MRPS23: variants seen among roughly 807,000 people sequenced by gnomAD.
The protein encoded by MRPS23 is mitochondrial ribosomal protein S23.
Under a neutral mutation model 19.8 loss-of-function variants are expected in MRPS23, and 14 were observed. The ratio of observed to expected loss-of-function variants is 0.71; its 90% CI spans 0.47 to 1.11. MRPS23 has a LOEUF of 1.11. Ranked by LOEUF, MRPS23 falls within the 50% of genes least tolerant of loss-of-function variation. The pLI is 0.00. For synonymous variants in MRPS23, 113 were observed against 89.7 expected, an observed-to-expected ratio of 1.26 and a Z score of -1.47; for missense variants, 242 against 236.7, an observed-to-expected ratio of 1.02 and a Z score of -0.15.
intron 2 of MRPS23, among the ~76,000 whole-genome samples, chr17:57,845,871 A>G (rs1351763164): frequency 6.6e-6 from 1 of 152,226 alleles, no homozygotes; most frequent in Non-Finnish European, 1.5e-5. Context: ...ACAATGGGCT[A>G]GGCACTGAAG....
chr17:57,849,823 C>G (rs2073800310), intron 1 of MRPS23, 144 bp downstream of exon 1: 1 of 954,144 alleles, frequency 1.0e-6, no homozygotes, highest in African/African-American at 1.7e-5. Context: ...CAGGAGAAAA[C>G]ATGAGAGGGC....
At chr17:57,843,260 T>A (rs2073752080) in intron 2 of MRPS23, among the ~76,000 whole-genome samples, 1 of 78,604 alleles carries the variant, frequency 1.3e-5, no homozygotes, top group African/African-American at 5.0e-5. Context: ...CTGGGTTAGA[T>A]CCTGCCTCAA....
rs549156135 is a variant in MRPS23 at position 57,849,876 on chromosome 17, T to A, written c.44+91A>T. ...CCGCACCCTGCAATACGCCTCGCCC[T>A]GCTCAGGTCCGCTCCAAGGAAGAGC... On this transcript the variant is annotated intron_variant, in intron 1 of 4. Coordinates refer to ENST00000313608, the MANE Select transcript of MRPS23 (RefSeq NM_016070.4). The A allele has an allele frequency of 4.9e-4, 716 of 1,464,582 alleles. 6 individuals carry two copies. In the South Asian group the frequency reaches 8.5e-3, roughly 17 times the overall value. The allele number at this position is 1,464,582 out of a possible 1,614,324, so 90.7% of individuals were successfully genotyped here.
In MRPS23 at chr17:57,839,918, G is replaced by A. The variant is rs567278145; in HGVS notation, c.438C>T (p.His146=). ...TCAAGTGTTCGGATTTCCGGGAAAC[G>A]TGACTACCTCCGTGTTGCTTAAAAG... is the stretch of plus-strand genomic sequence containing the variant. The part of the protein sequence containing the change: ...GEARTQHGGS[H]VSRKSEHLSV... Residue 146 remains histidine, a synonymous_variant, in exon 5 of 5, where the codon CAC becomes CAT. Transcript: ENST00000313608. 60 of 1,614,194 alleles carry A rather than the reference G, an allele frequency of 3.7e-5. No individual in the cohort carries two copies. Among genetic ancestry groups the A allele is most frequent in the African/African-American group, 9.3e-5 (7 of 75,052 alleles).
At chr17:57,846,231 C>T (rs142126371) in intron 2 of MRPS23, among the ~76,000 whole-genome samples, 15,418 of 143,104 alleles carry the variant, frequency 0.11, 888 homozygotes, top group South Asian at 0.23. Context: ...CCTGGCCAGC[C>T]GCCCCGTCCG....
In MRPS23 at chr17:57,841,206, T is replaced by C. The variant is rs78203942; in HGVS notation, c.270A>G (p.Pro90=). The change falls in exon 3 of 5, where the codon CCA becomes CCG. Residue 90 remains proline (P), a synonymous_variant. Transcript: ENST00000313608. ...ACCGTTGACAGGTAGACTTGAAGTTTGGATTGAATAGATCAAAAGCTCTTT... is the reference window on the plus strand; with the variant it reads ...ACCGTTGACAGGTAGACTTGAAGTTCGGATTGAATAGATCAAAAGCTCTTT... ...SGQRAFDLFN[P]NFKSTCQRFV... is the part of the protein sequence containing the mutation. 1.8e-5 allele frequency: 29 copies of C among 1,614,184 alleles called. No individual in the cohort carries two copies. The South Asian group carries it at 2.1e-4, about 12-fold the overall frequency.
At position 57,849,859 on chromosome 17, in the gene MRPS23, T is replaced by C. The variant is rs1286490448; in HGVS notation, c.44+108A>G. 3.7e-6 allele frequency: 5 copies of C among 1,355,784 alleles called. No individual in the cohort carries two copies. The East Asian group carries it at 1.0e-4, about 27-fold the overall frequency. The allele number at this position is 1,355,784 out of a possible 1,614,324, so 84.0% of individuals were successfully genotyped here. ...CTCACCCAGCTCAGCCCCCGCACCC[T>C]GCAATACGCCTCGCCCTGCTCAGGT... is the stretch of plus-strand genomic sequence containing the variant. On this transcript the variant is annotated intron_variant, in intron 1 of 4. Coordinates refer to ENST00000313608, the MANE Select transcript of MRPS23 (RefSeq NM_016070.4).
intron 2 of MRPS23, among the ~76,000 whole-genome samples, chr17:57,848,497 T>A (rs1555653829): frequency 6.6e-6 from 1 of 151,618 alleles, no homozygotes; most frequent in Non-Finnish European, 1.5e-5. Flanking sequence ...GTCTCAGCCT[T>A]CCGAGTAGCT....
chr17:57,844,524 C>T (rs1299252552), intron 2 of MRPS23, among the ~76,000 whole-genome samples: 1 of 151,222 alleles, frequency 6.6e-6, no homozygotes, highest in Non-Finnish European at 1.5e-5. Context: ...CTTTGGGAGG[C>T]CAAGGTAGGT....
At position 57,834,985 on chromosome 17, in the gene MRPS23, G is replaced by C. The variant is rs1221178226; in HGVS notation, c.*4798C>G. Reference sequence around the variant, plus strand: ...ATCAGGCCTACCCAATAAAGGCAGAGGCAGAGCTCTATAAAATTTGGTGAA... The same window carrying C: ...ATCAGGCCTACCCAATAAAGGCAGACGCAGAGCTCTATAAAATTTGGTGAA... On this transcript the variant is annotated 3_prime_UTR_variant, in exon 5 of 5. Coordinates refer to ENST00000313608, the MANE Select transcript of MRPS23 (RefSeq NM_016070.4). 1 of 152,196 alleles carries C rather than the reference G, an allele frequency of 6.6e-6. No homozygotes were observed. The highest frequency in any genetic ancestry group is 2.4e-5 in the African/African-American group (1 of 41,444). 9.4% of individuals were successfully genotyped at this position (152,196 alleles called of 1,614,324 possible). A position where few individuals can be genotyped will look rare whatever the true frequency, so the allele number is the denominator to read the frequency against.
At chr17:57,841,301 G>C in intron 2 of MRPS23, 41 bp from the exon 3 acceptor site, 1 of 1,566,316 alleles carries the variant, frequency 6.4e-7, no homozygotes, top group Non-Finnish European at 8.8e-7. Flanking sequence ...TCCGATTATA[G>C]ACTGTGGATG....
At chr17:57,845,373 A>G (rs1484413924) in intron 2 of MRPS23, among the ~76,000 whole-genome samples, 1 of 152,036 alleles carries the variant, frequency 6.6e-6, no homozygotes, top group Non-Finnish European at 1.5e-5. Context: ...CCCGGGGTGA[A>G]AGCCTGGGCC....
Position 57,849,400 on chromosome 17 carries a change from G to C in MRPS23, c.55C>G (p.Leu19Val), listed in dbSNP as rs1028802213. The C allele has an allele frequency of 7.4e-6, 12 of 1,613,764 alleles. No homozygotes were observed. Among genetic ancestry groups the C allele is most frequent in the Middle Eastern group, 1.7e-4 (1 of 5,996 alleles). Residue 19 changes from leucine to valine, a missense_variant, in exon 2 of 5, where the codon CTG becomes GTG. Leu to Val is a conservative substitution (Grantham distance 32). Transcript: ENST00000313608. ...TCCTTCAGCACCCCGGCCCGAACCA[G>C]GTCCCGAGTCCTTAGGGAGGGAACA... ...VGSIFSRTRDLVRAGVLKEKP... is the reference protein window; with the variant it reads ...VGSIFSRTRDVVRAGVLKEKP...
chr17:57,845,845 G>A (rs1250248458), intron 2 of MRPS23, among the ~76,000 whole-genome samples: 1 of 152,156 alleles, frequency 6.6e-6, no homozygotes, highest in East Asian at 1.9e-4. Flanking sequence ...CGATTAATAA[G>A]CAACTTATAT....
At position 57,849,237 on chromosome 17, in the gene MRPS23, C is replaced by A. The variant is rs760174609; in HGVS notation, c.215+3G>T. 6.2e-7 allele frequency: 1 copy of A among 1,614,080 alleles called. No homozygotes were observed. Among genetic ancestry groups the A allele is most frequent in the Non-Finnish European group, 8.5e-7 (1 of 1,179,942 alleles). On this transcript the variant is annotated splice_donor_region_variant and intron_variant, in intron 2 of 4. Transcript: ENST00000313608. ...CCTGTCCACTACAGGGCTGAGCACT[C>A]ACGCTCTAATCCGATCCTCGTGGTA...
chr17:57,845,802 T>C (rs2073769195), intron 2 of MRPS23, among the ~76,000 whole-genome samples: 4 of 152,360 alleles, frequency 2.6e-5, no homozygotes, highest in African/African-American at 9.6e-5. Flanking sequence ...AGTTCATCTG[T>C]CCATTAATCC....
chr17:57,843,303 CAT>C (rs1315241630), intron 2 of MRPS23, among the ~76,000 whole-genome samples: 34 of 151,620 alleles, frequency 2.2e-4, no homozygotes, highest in African/African-American at 7.0e-4. Flanking sequence ...CACACACACA[CAT>C]GTTCTCCAAC....
intron 2 of MRPS23, among the ~76,000 whole-genome samples, chr17:57,841,651 C>T (rs116499010): frequency 0.01 from 1,558 of 152,344 alleles, 23 homozygotes; most frequent in African/African-American, 0.036. Context: ...CCTTGCTCTA[C>T]ATCTTGCCTT....
chr17:57,849,180 C>CTT, intron 2 of MRPS23, 60 bp downstream of exon 2: 4 of 1,576,172 alleles, frequency 2.5e-6, no homozygotes, highest in Non-Finnish European at 3.5e-6. Flanking sequence ...CAGACTGCTA[C>CTT]CGAAACCTTC....
Sources: gnomAD v4.1 joint callset for allele counts (sites outside exome capture counted in the v4.1 genomes callset) on GRCh38, gnomAD v4.1.1 for gene constraint, MANE v1.5 for transcripts, NCBI Gene and HGNC (gene_info 2026-07-23, HGNC 2026-07-21) for gene names.